Variants in SLAIN1 observed in about 807,000 individuals in gnomAD.
SLAIN1 encodes SLAIN motif-containing protein 1.
A neutral mutation model predicts 55.4 loss-of-function variants in SLAIN1; 17 were observed. The ratio of observed to expected loss-of-function variants is 0.31; its 90% CI spans 0.21 to 0.46. The LOEUF is 0.46. SLAIN1 is among the 20% of genes least tolerant of loss of function. The pLI is 1.00. For synonymous variants in SLAIN1, 348 were observed against 337.4 expected, an observed-to-expected ratio of 1.03 and a Z score of -0.35; for missense variants, 682 against 785.1, an observed-to-expected ratio of 0.87 and a Z score of 1.57.
chr13:77,713,710 A>T (rs1365079000), intron 1 of SLAIN1, among the ~76,000 whole-genome samples: 1 of 152,162 alleles, frequency 6.6e-6, no homozygotes, highest in African/African-American at 2.4e-5. Context: ...TACTATAAAG[A>T]CACATGCACA....
Position 77,698,772 on chromosome 13 carries a change from G to T in SLAIN1, c.626+233G>T. 1 of 1,198,690 alleles carries T rather than the reference G, an allele frequency of 8.3e-7. No homozygotes were observed. The highest frequency in any genetic ancestry group is 1.1e-6 in the Non-Finnish European group (1 of 893,598). 74.3% of individuals were successfully genotyped at this position (1,198,690 alleles called of 1,614,324 possible). On this transcript the variant is annotated intron_variant, in intron 1 of 6. Transcript: ENST00000418532. The surrounding 1 kb of genome is among the most constrained non-coding windows in gnomAD (Gnocchi z 4.1). ...AATCGCTCCGACTGCGGATGAACCG[G>T]CCCCCCCTTCCCCCCATCTGCCATG...
At chr13:77,724,646 G>GT (rs1233280516) in intron 2 of SLAIN1, among the ~76,000 whole-genome samples, 6 of 152,134 alleles carry the variant, frequency 3.9e-5, no homozygotes, top group Admixed American at 2.6e-4. Flanking sequence ...AAAAATTATG[G>GT]TTTTGACCCA....
intron 2 of SLAIN1, among the ~76,000 whole-genome samples, chr13:77,736,318 C>A (rs142811446): frequency 1.1e-3 from 172 of 152,194 alleles, no homozygotes; most frequent in African/African-American, 3.9e-3. Flanking sequence ...TCTGTCTTTA[C>A]CTCCCTGTTT....
chr13:77,752,927 AAC>A (rs1413668156), intron 4 of SLAIN1, among the ~76,000 whole-genome samples: 2 of 152,158 alleles, frequency 1.3e-5, no homozygotes, highest in African/African-American at 4.8e-5. Context: ...CTCCTTTGGC[AAC>A]ACCCTCACAG....
At chr13:77,719,395 A>G (rs781078020) in intron 1 of SLAIN1, 137 bp from the exon 2 acceptor site, 20 of 521,596 alleles carry the variant, frequency 3.8e-5, no homozygotes, top group Non-Finnish European at 5.7e-5. Context: ...CCTGTTAAAA[A>G]CTATTTCTGA....
chr13:77,720,652 T>C (rs2091253280), intron 2 of SLAIN1, among the ~76,000 whole-genome samples: 1 of 152,178 alleles, frequency 6.6e-6, no homozygotes, highest in South Asian at 2.1e-4. Context: ...AACTCATCTT[T>C]AGAGGTGAGA....
chr13:77,739,921 A>G (rs1250423183), intron 2 of SLAIN1, among the ~76,000 whole-genome samples: 1 of 152,152 alleles, frequency 6.6e-6, no homozygotes, highest in Non-Finnish European at 1.5e-5. Flanking sequence ...TACAAAAAAT[A>G]AGAGACCGTT....
intron 1 of SLAIN1, among the ~76,000 whole-genome samples, chr13:77,706,355 C>T (rs964063196): frequency 5.9e-5 from 9 of 152,046 alleles, no homozygotes; most frequent in African/African-American, 2.2e-4. Context: ...TCTCTGACCC[C>T]TTTGTTCCTC....
chr13:77,760,985 A>G lies in SLAIN1; in HGVS notation c.1572A>G (p.Thr524=), dbSNP rs1260192965. The G allele has an allele frequency of 6.2e-7, 1 of 1,614,220 alleles. No homozygotes were observed. The highest frequency in any genetic ancestry group is 1.7e-5 in the Admixed American group (1 of 60,026). ...ACGGCTTACAGCTGTATTCCAACACAGGAATCCCCACACCGAACAAAGCTG... is the reference window on the plus strand; with the variant it reads ...ACGGCTTACAGCTGTATTCCAACACGGGAATCCCCACACCGAACAAAGCTG... ...LSNGLQLYSN[T]GIPTPNKAAA... Residue 524 remains threonine, a synonymous_variant, in exon 6 of 7, where the codon ACA becomes ACG. Transcript: ENST00000418532.
intron 5 of SLAIN1, among the ~76,000 whole-genome samples, chr13:77,753,860 A>G (rs987243568): frequency 2.0e-5 from 3 of 152,066 alleles, no homozygotes; most frequent in Non-Finnish European, 4.4e-5. Flanking sequence ...AAATGAAGTT[A>G]TATTTTAGAG....
chr13:77,713,363 G>C (rs1276636200), intron 1 of SLAIN1, among the ~76,000 whole-genome samples: 2 of 152,050 alleles, frequency 1.3e-5, no homozygotes, highest in African/African-American at 4.8e-5. Flanking sequence ...GTGGGCGAAG[G>C]ATATGAACAG....
chr13:77,753,064 G>A (rs769675837), intron 4 of SLAIN1, 139 bp from the exon 5 acceptor site: 1 of 791,132 alleles, frequency 1.3e-6, no homozygotes, highest in African/African-American at 1.8e-5. Context: ...TGTACAATAG[G>A]TTAGAAAGCT....
intron 2 of SLAIN1, among the ~76,000 whole-genome samples, chr13:77,722,818 C>T (rs919951335): frequency 6.6e-6 from 1 of 152,184 alleles, no homozygotes; most frequent in Non-Finnish European, 1.5e-5. Flanking sequence ...GTAATCTCAG[C>T]ACACTGCAAC....
intron 2 of SLAIN1, among the ~76,000 whole-genome samples, chr13:77,733,233 CTGCTTTGT>C (rs1872959584): frequency 6.6e-6 from 1 of 152,100 alleles, no homozygotes; most frequent in Non-Finnish European, 1.5e-5. Context: ...GAGTATACAA[CTGCTTTGT>C]TACTTTTGAA....
At chr13:77,732,322 G>A (rs998485533) in intron 2 of SLAIN1, among the ~76,000 whole-genome samples, 5 of 152,044 alleles carry the variant, frequency 3.3e-5, no homozygotes, top group Non-Finnish European at 7.4e-5. Flanking sequence ...CCTTTCAGAG[G>A]GAGGGCCCTC....
intron 2 of SLAIN1, among the ~76,000 whole-genome samples, chr13:77,728,210 A>C (rs2091325658): frequency 6.6e-6 from 1 of 152,192 alleles, no homozygotes; most frequent in South Asian, 2.1e-4. Flanking sequence ...ACTGCATAGA[A>C]CTTTCATGGG....
chr13:77,755,913 T>C (rs1874566694), intron 5 of SLAIN1, among the ~76,000 whole-genome samples: 1 of 152,192 alleles, frequency 6.6e-6, no homozygotes, highest in African/African-American at 2.4e-5. Context: ...CACTGTTCTT[T>C]ATGCATTCTA....
At chr13:77,742,420 C>T (rs1019404667) in intron 2 of SLAIN1, among the ~76,000 whole-genome samples, 2 of 151,942 alleles carry the variant, frequency 1.3e-5, no homozygotes, top group Admixed American at 6.6e-5. Flanking sequence ...AGACACCCCT[C>T]TGTTACTCTG....
intron 5 of SLAIN1, among the ~76,000 whole-genome samples, chr13:77,759,737 C>G (rs928535949): frequency 6.6e-6 from 1 of 151,916 alleles, no homozygotes; most frequent in Non-Finnish European, 1.5e-5. Context: ...TGTGATGTAC[C>G]ACATTTACTG....
Sources: gnomAD v4.1 joint callset for allele counts (sites outside exome capture counted in the v4.1 genomes callset) on GRCh38, gnomAD v4.1.1 for gene constraint, Gnocchi (gnomAD v3.1) non-coding constraint, MANE v1.5 for transcripts, NCBI Gene and HGNC (gene_info 2026-07-23, HGNC 2026-07-21) for gene names.